The following PPP4R2 variants were observed in gnomAD, a reference collection of about 807,000 sequenced individuals.
The protein encoded by PPP4R2 is protein phosphatase 4 regulatory subunit 2, also known as serine/threonine-protein phosphatase 4 regulatory subunit 2.
PPP4R2 carries 13 observed loss-of-function variants against 47.2 expected under a neutral mutation model. That is an observed-to-expected ratio of 0.28 (90% CI 0.18 to 0.44). The LOEUF (loss-of-function observed/expected upper bound fraction) is 0.44. Ranked by LOEUF, PPP4R2 falls within the 20% of genes least tolerant of loss-of-function variation. PPP4R2 has a pLI of 1.00. For missense variants in PPP4R2, 421 were observed against 491.2 expected (o/e 0.86, Z 1.35); for synonymous variants, 151 against 163.3 (o/e 0.92, Z 0.57).
At chr3:73,034,557 G>A (rs1372362146) in intron 2 of PPP4R2, among the ~76,000 whole-genome samples, 1 of 152,180 alleles carries the variant, frequency 6.6e-6, no homozygotes, top group African/African-American at 2.4e-5. Context: ...GTTTTTTAGA[G>A]ACTGTTCCTC....
intron 2 of PPP4R2, among the ~76,000 whole-genome samples, chr3:73,013,434 A>G (rs961211146): frequency 2.6e-5 from 4 of 152,222 alleles, no homozygotes; most frequent in African/African-American, 9.6e-5. Context: ...ATGTGCAAAG[A>G]TGATTGAAAT....
chr3:73,050,750 A>G (rs1464912713), intron 3 of PPP4R2, among the ~76,000 whole-genome samples: 1 of 152,002 alleles, frequency 6.6e-6, no homozygotes, highest in Non-Finnish European at 1.5e-5. Flanking sequence ...AAATGGCTAC[A>G]TTGTTTTCTA....
chr3:73,014,509 C>A (rs1217825350), intron 2 of PPP4R2, among the ~76,000 whole-genome samples: 2 of 151,940 alleles, frequency 1.3e-5, no homozygotes, highest in Non-Finnish European at 2.9e-5. Flanking sequence ...CCAGGCTGGT[C>A]TCAACTGAGA....
intron 2 of PPP4R2, among the ~76,000 whole-genome samples, chr3:73,025,111 C>T (rs183816847): frequency 5.3e-5 from 8 of 152,236 alleles, no homozygotes; most frequent in Non-Finnish European, 1.0e-4. Context: ...GAGCTGGCTA[C>T]TGGAGGCCCA....
intron 2 of PPP4R2, among the ~76,000 whole-genome samples, chr3:73,016,457 A>C (rs1701834402): frequency 6.6e-6 from 1 of 152,136 alleles, no homozygotes; most frequent in African/African-American, 2.4e-5. Flanking sequence ...CTGGCCCCAA[A>C]TGTCAGTAGT....
chr3:73,036,080 T>TC, intron 2 of PPP4R2, among the ~76,000 whole-genome samples: 1 of 152,248 alleles, frequency 6.6e-6, no homozygotes, highest in South Asian at 2.1e-4. Flanking sequence ...ATGAATGAAG[T>TC]CCCATCCTTT....
chr3:73,047,582 A>G (rs555531518), intron 3 of PPP4R2, among the ~76,000 whole-genome samples: 2 of 152,344 alleles, frequency 1.3e-5, no homozygotes, highest in African/African-American at 4.8e-5. Context: ...GGAAACAGTC[A>G]TTTATCAGGA....
intron 2 of PPP4R2, among the ~76,000 whole-genome samples, chr3:73,042,495 GC>G (rs1314907804): frequency 6.6e-6 from 1 of 150,730 alleles, no homozygotes; most frequent in African/African-American, 2.4e-5. Context: ...CTCCCGAGTA[GC>G]TGGGAATACA....
At chr3:73,019,005 G>A (rs1056328873) in intron 2 of PPP4R2, among the ~76,000 whole-genome samples, 50 of 133,306 alleles carry the variant, frequency 3.8e-4, no homozygotes, top group Non-Finnish European at 6.7e-4. Context: ...TAGGAGCTGG[G>A]TTAGATAAAT....
Position 73,068,018 on chromosome 3 carries a change from G to A in PPP4R2, c.*2296G>A, listed in dbSNP as rs544944373. On this transcript the variant is annotated 3_prime_UTR_variant, in exon 9 of 9. Coordinates refer to ENST00000356692, the MANE Select transcript of PPP4R2 (RefSeq NM_174907.4). The stretch of plus-strand genomic sequence containing the variant: ...AGAATGCTCATGGAATATCTTTAGG[G>A]TAGGTGGAATACTTCTGTAGTTAAA... 1 of 152,246 alleles carries A rather than the reference G, an allele frequency of 6.6e-6. No individual in the cohort carries two copies. The highest frequency in any genetic ancestry group is 1.9e-4 in the East Asian group (1 of 5,192). The allele number at this position is 152,246 out of a possible 1,614,324, so 9.4% of individuals were successfully genotyped here. A position where few individuals can be genotyped will look rare whatever the true frequency, so the allele number is the denominator to read the frequency against.
rs1287209707 is a variant in PPP4R2, at chr3:73,069,165, A to G, written c.*3443A>G. The stretch of plus-strand genomic sequence containing the variant: ...CCTAGATTACTTTGCCAAATGTATT[A>G]TTTTCATAATGCAATAAAATATAAA... On this transcript the variant is annotated 3_prime_UTR_variant, in exon 9 of 9. Transcript: ENST00000356692. 1 of 152,056 alleles carries G rather than the reference A, an allele frequency of 6.6e-6. No homozygotes were observed. The highest frequency in any genetic ancestry group is 1.5e-5 in the Non-Finnish European group (1 of 68,016). 9.4% of individuals were successfully genotyped at this position (152,056 alleles called of 1,614,324 possible). A position where few individuals can be genotyped will look rare whatever the true frequency, so the allele number is the denominator to read the frequency against.
intron 2 of PPP4R2, among the ~76,000 whole-genome samples, chr3:73,040,102 G>C (rs1702345962): frequency 6.6e-6 from 1 of 152,124 alleles, no homozygotes; most frequent in Non-Finnish European, 1.5e-5. Flanking sequence ...GAAGCCCTGG[G>C]ATGAGGGATT....
At chr3:73,040,722 G>A (rs575556804) in intron 2 of PPP4R2, among the ~76,000 whole-genome samples, 16 of 152,008 alleles carry the variant, frequency 1.1e-4, no homozygotes, top group South Asian at 1.0e-3. Context: ...CATGTTGGCC[G>A]GGCTGGTCTT....
At chr3:73,058,140 A>G (rs1280797612) in intron 3 of PPP4R2, among the ~76,000 whole-genome samples, 2 of 152,088 alleles carry the variant, frequency 1.3e-5, no homozygotes, top group African/African-American at 2.4e-5. Context: ...TCCAACTTAT[A>G]TCAGTTTTGT....
chr3:73,019,247 C>G (rs1220443292), intron 2 of PPP4R2, among the ~76,000 whole-genome samples: 1 of 152,186 alleles, frequency 6.6e-6, no homozygotes, highest in Admixed American at 6.5e-5. Flanking sequence ...TAAGTGCACT[C>G]TGTGATGTTC....
At chr3:73,053,801 C>T (rs183713465) in intron 3 of PPP4R2, among the ~76,000 whole-genome samples, 2,204 of 149,512 alleles carry the variant, frequency 0.015, 52 homozygotes, top group African/African-American at 0.052. Context: ...CCCAGCTACT[C>T]GGGAGGCTGA....
chr3:73,048,717 A>G (rs1406690723), intron 3 of PPP4R2, among the ~76,000 whole-genome samples: 2 of 152,374 alleles, frequency 1.3e-5, no homozygotes, highest in African/African-American at 4.8e-5. Context: ...AGAATTAGAT[A>G]GTATTTGAAG....
intron 2 of PPP4R2, among the ~76,000 whole-genome samples, chr3:73,031,708 T>G (rs1163914176): frequency 1.3e-5 from 2 of 152,190 alleles, no homozygotes; most frequent in South Asian, 2.1e-4. Flanking sequence ...AATGCCAATA[T>G]AAGCCCAAGC....
At chr3:73,047,809 C>T (rs77544033) in intron 3 of PPP4R2, among the ~76,000 whole-genome samples, 7,222 of 152,070 alleles carry the variant, frequency 0.047, 568 homozygotes, top group African/African-American at 0.17. Context: ...CATTTTTGGC[C>T]GCTTGTAAAA....
Sources: gnomAD v4.1 joint callset for allele counts (sites outside exome capture counted in the v4.1 genomes callset) on GRCh38, gnomAD v4.1.1 for gene constraint, MANE v1.5 for transcripts, NCBI Gene and HGNC (gene_info 2026-07-23, HGNC 2026-07-21) for gene names.